MATCAP1: variants seen among roughly 807,000 people sequenced by gnomAD.
MATCAP1 encodes microtubule-associated tyrosine carboxypeptidase 1.
chr16:67,180,032 T>G, the MATCAP1 span: 1 of 1,613,212 alleles, frequency 6.2e-7, no homozygotes, highest in Non-Finnish European at 8.5e-7. Context: ...GTGGGGAGGC[T>G]GGACTGACCT....
At chr16:67,179,739 G>C in the MATCAP1 span, 10 of 1,590,876 alleles carry the variant, frequency 6.3e-6, no homozygotes, top group Non-Finnish European at 6.9e-6. This position sits in a 1 kb window ranked among gnomAD's most constrained non-coding sequence, Gnocchi z 5.2. Context: ...GGTCAGGTGT[G>C]GAGCTGGACC....
At chr16:67,179,235 G>A in the MATCAP1 span, 1 of 1,416,346 alleles carries the variant, frequency 7.1e-7, no homozygotes, top group Non-Finnish European at 9.2e-7. This position sits in a 1 kb window ranked among gnomAD's most constrained non-coding sequence, Gnocchi z 5.2. Context: ...CGAGCCCAGA[G>A]CATGGGCAGG....
the MATCAP1 span, chr16:67,179,848 G>GA: frequency 1.9e-6 from 3 of 1,614,218 alleles, no homozygotes; most frequent in South Asian, 3.3e-5. This position sits in a 1 kb window ranked among gnomAD's most constrained non-coding sequence, Gnocchi z 5.2. Context: ...GCATGTATTT[G>GA]CGCACAATCG....
At chr16:67,183,842 G>A in the MATCAP1 span, 2 of 173,912 alleles carry the variant, frequency 1.2e-5, no homozygotes, top group South Asian at 1.1e-4. Context: ...CCGGCCTTTG[G>A]GGGGGTCCGT....
the MATCAP1 span, chr16:67,183,309 C>A: frequency 6.6e-6 from 1 of 152,228 alleles, no homozygotes; most frequent in Non-Finnish European, 1.5e-5. Context: ...GTCTCGGGTC[C>A]TTCCGCCAAG....
At chr16:67,176,731 C>T in the MATCAP1 span, 1 of 1,352,454 alleles carries the variant, frequency 7.4e-7, no homozygotes, top group Non-Finnish European at 9.8e-7. The surrounding 1 kb of genome is among the most constrained non-coding windows in gnomAD (Gnocchi z 4.3). Context: ...GCCGTGGACG[C>T]ACAGAGCAAA....
At chr16:67,182,917 A>G in the MATCAP1 span, among the ~76,000 whole-genome samples, 1 of 152,184 alleles carries the variant, frequency 6.6e-6, no homozygotes, top group Non-Finnish European at 1.5e-5. Flanking sequence ...TATGATAGGT[A>G]TATTTGATAG....
chr16:67,179,421 C>T, the MATCAP1 span: 1 of 1,603,972 alleles, frequency 6.2e-7, no homozygotes, highest in Non-Finnish European at 8.5e-7. This position sits in a 1 kb window ranked among gnomAD's most constrained non-coding sequence, Gnocchi z 5.2. Context: ...CGGATACCCA[C>T]ACCCTGACCT....
chr16:67,176,087 G>A, the MATCAP1 span: 1 of 150,442 alleles, frequency 6.6e-6, no homozygotes, highest in South Asian at 2.2e-4. The surrounding 1 kb of genome is among the most constrained non-coding windows in gnomAD (Gnocchi z 4.3). Flanking sequence ...GTGTGTGTGT[G>A]TGTGTGTGTG....
the MATCAP1 span, chr16:67,178,714 G>A: frequency 1.4e-6 from 1 of 702,426 alleles, no homozygotes; most frequent in Non-Finnish European, 2.6e-6. Context: ...GATCCACAGA[G>A]GCTCACATAC....
chr16:67,179,846 T>G, the MATCAP1 span: 1 of 1,614,204 alleles, frequency 6.2e-7, no homozygotes, highest in Non-Finnish European at 8.5e-7. The surrounding 1 kb of genome is among the most constrained non-coding windows in gnomAD (Gnocchi z 5.2). Flanking sequence ...CTGCATGTAT[T>G]TGCGCACAAT....
At chr16:67,175,621 T>C in the MATCAP1 span, 1 of 154,560 alleles carries the variant, frequency 6.5e-6, no homozygotes, top group Non-Finnish European at 1.4e-5. Context: ...CTGTTTTAAT[T>C]GTCTGGCTTC....
At chr16:67,180,324 G>A in the MATCAP1 span, 5 of 1,612,190 alleles carry the variant, frequency 3.1e-6, no homozygotes, top group South Asian at 3.3e-5. Flanking sequence ...CCGTCCCAGG[G>A]TGCCACGCCC....
chr16:67,179,282 G>A, the MATCAP1 span: 7 of 1,489,736 alleles, frequency 4.7e-6, no homozygotes, highest in Middle Eastern at 2.5e-4. The surrounding 1 kb of genome is among the most constrained non-coding windows in gnomAD (Gnocchi z 5.2). Flanking sequence ...GAGGGCGGGA[G>A]GTGGCTGCTC....
the MATCAP1 span, chr16:67,178,026 A>G: frequency 6.2e-7 from 1 of 1,614,168 alleles, no homozygotes; most frequent in Non-Finnish European, 8.5e-7. Context: ...CAGTGAGGTC[A>G]GCAACGGGAA....
the MATCAP1 span, among the ~76,000 whole-genome samples, chr16:67,183,032 T>G: frequency 6.6e-6 from 1 of 152,188 alleles, no homozygotes; most frequent in Non-Finnish European, 1.5e-5. Flanking sequence ...CAAGAGCTCT[T>G]CTTTCAGAAC....
chr16:67,179,915 T>C, the MATCAP1 span: 22 of 1,614,102 alleles, frequency 1.4e-5, no homozygotes, highest in East Asian at 4.5e-5. The surrounding 1 kb of genome is among the most constrained non-coding windows in gnomAD (Gnocchi z 5.2). Context: ...AAAGTGTTCA[T>C]AGGTTCCAAA....
chr16:67,182,249 CAA>C, the MATCAP1 span, among the ~76,000 whole-genome samples: 11 of 46,332 alleles, frequency 2.4e-4, no homozygotes, highest in Admixed American at 4.2e-4. Flanking sequence ...AACTCCATCT[CAA>C]AAAAAAAAAA....
the MATCAP1 span, chr16:67,177,015 C>T: frequency 2.7e-6 from 4 of 1,468,890 alleles, no homozygotes; most frequent in Non-Finnish European, 3.6e-6. Context: ...GGCAGTGGCC[C>T]CTGGCTTTCA....
Sources: allele counts gnomAD v4.1 joint callset (sites outside exome capture counted in the v4.1 genomes callset), GRCh38; gene constraint gnomAD v4.1.1; non-coding constraint Gnocchi (gnomAD v3.1); transcripts MANE v1.5; gene names NCBI Gene and HGNC (gene_info 2026-07-23, HGNC 2026-07-21).